The following ULK4 variants were observed in gnomAD, a reference collection of about 807,000 sequenced individuals.
The protein encoded by ULK4 is inactive serine/threonine-protein kinase ULK4.
Under a neutral mutation model 160.6 loss-of-function variants are expected in ULK4, and 133 were observed. The ratio of observed to expected loss-of-function variants is 0.83; its 90% CI spans 0.72 to 0.96. The LOEUF (loss-of-function observed/expected upper bound fraction) is 0.96. Among genes scored for constraint, ULK4 ranks in the 40% least tolerant of loss-of-function variants. ULK4 has a pLI of 0.00. For synonymous variants in ULK4, 534 were observed against 539.8 expected (o/e 0.99, Z 0.15); for missense variants, 1,580 against 1,499.5 (o/e 1.05, Z -0.89).
At chr3:41,289,959 G>A (rs996436746) in intron 35 of ULK4, among the ~76,000 whole-genome samples, 4 of 152,082 alleles carry the variant, frequency 2.6e-5, no homozygotes, top group Non-Finnish European at 4.4e-5. Context: ...CACTGTAACT[G>A]CCATCTCCTG....
chr3:41,349,983 G>A (rs980617118), intron 35 of ULK4, among the ~76,000 whole-genome samples: 9 of 152,044 alleles, frequency 5.9e-5, no homozygotes, highest in African/African-American at 1.9e-4. Flanking sequence ...AATTCTCTGT[G>A]CTATTTCATT....
At chr3:41,638,925 A>G (rs1167413041) in intron 30 of ULK4, among the ~76,000 whole-genome samples, 4 of 152,232 alleles carry the variant, frequency 2.6e-5, no homozygotes, top group African/African-American at 9.6e-5. Flanking sequence ...GGATAACATC[A>G]AAAAAGAATT....
At chr3:41,703,840 A>T (rs955689465) in intron 27 of ULK4, among the ~76,000 whole-genome samples, 2 of 126,140 alleles carry the variant, frequency 1.6e-5, no homozygotes, top group African/African-American at 6.9e-5. Context: ...GCATGCACAC[A>T]CACACACACA....
chr3:41,910,506 G>A (rs1698742619), intron 11 of ULK4, among the ~76,000 whole-genome samples: 1 of 151,950 alleles, frequency 6.6e-6, no homozygotes. Flanking sequence ...TGAGGCAGGA[G>A]AATTGCCTGA....
Position 41,309,894 on chromosome 3 carries a change from T to C in ULK4, c.3679-60320A>G, listed in dbSNP as rs1374443451. On this transcript the variant is annotated intron_variant, in intron 35 of 36. Transcript: ENST00000301831. ...ATGGGTAAATCTAACCAATGCCTTT[T>C]AGGGAAAAAAAAAAAAATGACACAT... Among the ~76,000 whole-genome samples the C allele has an allele frequency of 8.1e-5, 11 of 135,072 alleles. No individual in the cohort carries two copies. In the East Asian group the frequency reaches 8.6e-4, roughly 11 times the overall value. The allele number at this position is 135,072 out of a possible 152,430, so 88.6% of individuals were successfully genotyped here.
intron 35 of ULK4, among the ~76,000 whole-genome samples, chr3:41,277,470 T>C (rs1176471243): frequency 6.6e-6 from 1 of 152,180 alleles, no homozygotes; most frequent in African/African-American, 2.4e-5. Flanking sequence ...AAATGTCATA[T>C]ACCACATAAC....
chr3:41,705,964 A>G (rs1177722127), intron 25 of ULK4, among the ~76,000 whole-genome samples: 1 of 152,134 alleles, frequency 6.6e-6, no homozygotes, highest in African/African-American at 2.4e-5. Context: ...AGGAAGGTCA[A>G]TCAAGCTTTA....
intron 18 of ULK4, among the ~76,000 whole-genome samples, chr3:41,824,852 C>CAG (rs1322115028): frequency 4.5e-4 from 68 of 152,292 alleles, no homozygotes; most frequent in African/African-American, 1.6e-3. Context: ...GATCTGAGAA[C>CAG]GGACAGACTG....
At chr3:41,277,286 G>C (rs936712500) in intron 35 of ULK4, among the ~76,000 whole-genome samples, 3 of 152,002 alleles carry the variant, frequency 2.0e-5, no homozygotes, top group African/African-American at 7.2e-5. Context: ...AACCAGGAAA[G>C]GACATAACCA....
chr3:41,421,906 T>G (rs1026031139), intron 34 of ULK4, among the ~76,000 whole-genome samples: 2 of 152,158 alleles, frequency 1.3e-5, no homozygotes, highest in African/African-American at 4.8e-5. Context: ...TTAAAGATCT[T>G]GTAGATGCAA....
intron 35 of ULK4, among the ~76,000 whole-genome samples, chr3:41,332,845 C>T (rs1559529119): frequency 6.6e-6 from 1 of 152,102 alleles, no homozygotes. Context: ...TCTATTGTTG[C>T]CATCTTTATG....
chr3:41,461,644 A>AT (rs1015316817), intron 33 of ULK4, among the ~76,000 whole-genome samples: 54 of 152,352 alleles, frequency 3.5e-4, no homozygotes, highest in African/African-American at 1.3e-3. Flanking sequence ...GAAATAGAAA[A>AT]TTCAAAAATA....
At chr3:41,330,229 C>T (rs908509873) in intron 35 of ULK4, among the ~76,000 whole-genome samples, 1 of 152,182 alleles carries the variant, frequency 6.6e-6, no homozygotes, top group Admixed American at 6.5e-5. Context: ...CTTCTATTCG[C>T]TTGCCTCCTC....
At chr3:41,362,916 G>A (rs1240732752) in intron 35 of ULK4, among the ~76,000 whole-genome samples, 1 of 152,254 alleles carries the variant, frequency 6.6e-6, no homozygotes, top group Non-Finnish European at 1.5e-5. Flanking sequence ...GCAGAGCCCT[G>A]ATCTGGCTGC....
intron 35 of ULK4, among the ~76,000 whole-genome samples, chr3:41,268,840 A>G (rs2079091332): frequency 7.2e-6 from 1 of 138,530 alleles, no homozygotes; most frequent in African/African-American, 2.8e-5. Flanking sequence ...AAAAAGCCCC[A>G]CACTCCACCC....
chr3:41,492,125 C>T (rs1431655160), intron 32 of ULK4, among the ~76,000 whole-genome samples: 2 of 150,472 alleles, frequency 1.3e-5, no homozygotes, highest in Non-Finnish European at 1.5e-5. Context: ...TTAATCCACT[C>T]TATCATTGTT....
At chr3:41,326,139 G>C (rs562127111) in intron 35 of ULK4, among the ~76,000 whole-genome samples, 30 of 152,236 alleles carry the variant, frequency 2.0e-4, no homozygotes, top group East Asian at 5.8e-4. Flanking sequence ...CATGGGCAGG[G>C]GGGGGCTCCC....
intron 17 of ULK4, chr3:41,869,244 T>C (rs539922891): frequency 2.0e-3 from 304 of 152,234 alleles, no homozygotes; most frequent in African/African-American, 6.9e-3. Flanking sequence ...ATTTCACATA[T>C]GTGTAAGAAC....
At chr3:41,881,712 G>C (rs2125701529) in intron 17 of ULK4, among the ~76,000 whole-genome samples, 1 of 152,162 alleles carries the variant, frequency 6.6e-6, no homozygotes, top group African/African-American at 2.4e-5. Flanking sequence ...AAATAAGTAT[G>C]ATTTTCCCTA....
Sources: gnomAD v4.1 joint callset for allele counts (sites outside exome capture counted in the v4.1 genomes callset) on GRCh38, gnomAD v4.1.1 for gene constraint, MANE v1.5 for transcripts, NCBI Gene and HGNC (gene_info 2026-07-23, HGNC 2026-07-21) for gene names.